MARCHF5: variants seen among roughly 807,000 people sequenced by gnomAD.
MARCHF5 encodes E3 ubiquitin-protein ligase MARCHF5.
Under a neutral mutation model 36.5 loss-of-function variants are expected in MARCHF5, and 5 were observed. That is an observed-to-expected ratio of 0.14 (90% CI 0.07 to 0.29). The LOEUF is 0.29. MARCHF5 is among the 10% of genes least tolerant of loss of function. MARCHF5 has a pLI of 1.00. For missense variants in MARCHF5, 179 were observed against 336.3 expected, an observed-to-expected ratio of 0.53 and a Z score of 3.66; for synonymous variants, 103 against 109.9, an observed-to-expected ratio of 0.94 and a Z score of 0.39.
At chr10:92,321,372 T>G (rs1023195415) in intron 2 of MARCHF5, among the ~76,000 whole-genome samples, 5 of 152,134 alleles carry the variant, frequency 3.3e-5, no homozygotes, top group African/African-American at 9.7e-5. Context: ...GATAATCATG[T>G]GAGTATTGTT....
At chr10:92,306,922 G>A (rs917394779) in intron 1 of MARCHF5, among the ~76,000 whole-genome samples, 1 of 152,166 alleles carries the variant, frequency 6.6e-6, no homozygotes, top group Non-Finnish European at 1.5e-5. Flanking sequence ...GCTGAGGCAG[G>A]AGAATCACTT....
At chr10:92,307,471 C>T (rs1229964073) in intron 1 of MARCHF5, among the ~76,000 whole-genome samples, 6 of 152,014 alleles carry the variant, frequency 3.9e-5, no homozygotes, top group South Asian at 2.1e-4. Flanking sequence ...CAGTGGCTCA[C>T]GCCCAAAACT....
At chr10:92,331,920 CATATATAT>C (rs1843440913) in intron 2 of MARCHF5, among the ~76,000 whole-genome samples, 5 of 56,380 alleles carry the variant, frequency 8.9e-5, no homozygotes, top group African/African-American at 1.6e-4. Context: ...TATATATAAT[CATATATAT>C]GTATATATAA....
chr10:92,303,201 T>C (rs1843036068), intron 1 of MARCHF5, among the ~76,000 whole-genome samples: 1 of 152,212 alleles, frequency 6.6e-6, no homozygotes. Context: ...AGATAGACTG[T>C]AAATTAGTCA....
At chr10:92,336,088 T>C (rs1181874366) in intron 2 of MARCHF5, among the ~76,000 whole-genome samples, 1 of 152,202 alleles carries the variant, frequency 6.6e-6, no homozygotes, top group Non-Finnish European at 1.5e-5. Context: ...CAGGCTGGAA[T>C]GCAATGGTGC....
intron 3 of MARCHF5, among the ~76,000 whole-genome samples, chr10:92,347,209 C>T (rs575179738): frequency 7.2e-5 from 11 of 152,008 alleles, no homozygotes; most frequent in Admixed American, 2.6e-4. Flanking sequence ...CCTGGCCGGG[C>T]GTGGTGGGTC....
chr10:92,346,395 C>G (rs1052745491), intron 3 of MARCHF5, among the ~76,000 whole-genome samples: 1 of 152,080 alleles, frequency 6.6e-6, no homozygotes, highest in Non-Finnish European at 1.5e-5. Flanking sequence ...TGAGCCTCAT[C>G]CCACTTCTAA....
intron 3 of MARCHF5, among the ~76,000 whole-genome samples, chr10:92,346,072 A>T (rs1466151175): frequency 6.6e-6 from 1 of 152,170 alleles, no homozygotes; most frequent in Non-Finnish European, 1.5e-5. Flanking sequence ...GAAGTCTTAA[A>T]AATAATGTTT....
At chr10:92,319,677 G>A (rs537354758) in intron 2 of MARCHF5, among the ~76,000 whole-genome samples, 1 of 149,444 alleles carries the variant, frequency 6.7e-6, no homozygotes, top group African/African-American at 2.5e-5. Flanking sequence ...TTTTCTGAGA[G>A]GGAGTCTTAC....
chr10:92,343,955 T>C (rs536000826), intron 3 of MARCHF5, among the ~76,000 whole-genome samples: 2 of 152,322 alleles, frequency 1.3e-5, no homozygotes, highest in Non-Finnish European at 2.9e-5. Flanking sequence ...TTACTAAGAC[T>C]GAGAAAGACA....
At chr10:92,328,821 A>ATTTTTT (rs34713388) in intron 2 of MARCHF5, among the ~76,000 whole-genome samples, 2 of 122,420 alleles carry the variant, frequency 1.6e-5, no homozygotes, top group South Asian at 2.6e-4. Context: ...ATATATATAT[A>ATTTTTT]TTTTTTTTTT....
At chr10:92,320,051 A>C (rs1454435608) in intron 2 of MARCHF5, among the ~76,000 whole-genome samples, 2 of 148,982 alleles carry the variant, frequency 1.3e-5, no homozygotes, top group Non-Finnish European at 3.0e-5. Flanking sequence ...AGCTTACTGC[A>C]AAAAAAATTT....
At chr10:92,336,092 A>G (rs139954999) in intron 2 of MARCHF5, among the ~76,000 whole-genome samples, 3,375 of 152,260 alleles carry the variant, frequency 0.022, 45 homozygotes, top group Middle Eastern at 0.082. Context: ...CTGGAATGCA[A>G]TGGTGCCATC....
At chr10:92,350,970 C>G (rs1043632411) in intron 5 of MARCHF5, 121 bp from the exon 6 acceptor site, 4 of 622,030 alleles carry the variant, frequency 6.4e-6, no homozygotes, top group Middle Eastern at 4.4e-4. Context: ...GTTTCATTTG[C>G]AGTCATCTGA....
chr10:92,329,337 ATTTCT>A (rs1400741871), intron 2 of MARCHF5, among the ~76,000 whole-genome samples: 1 of 152,222 alleles, frequency 6.6e-6, no homozygotes, highest in African/African-American at 2.4e-5. Flanking sequence ...TTTAATACAC[ATTTCT>A]TTATCAGTGA....
chr10:92,299,583 C>A (rs1257961484), intron 1 of MARCHF5, among the ~76,000 whole-genome samples: 1 of 152,172 alleles, frequency 6.6e-6, no homozygotes, highest in East Asian at 1.9e-4. Flanking sequence ...TTCTGTGTTT[C>A]AATAGAACCT....
intron 2 of MARCHF5, among the ~76,000 whole-genome samples, chr10:92,331,731 G>A (rs977273220): frequency 2.0e-5 from 3 of 150,954 alleles, no homozygotes; most frequent in Admixed American, 6.6e-5. Context: ...ATTTCCCTTG[G>A]CATAAATTAT....
At chr10:92,300,891 CTT>C (rs370507190) in intron 1 of MARCHF5, among the ~76,000 whole-genome samples, 13 of 127,716 alleles carry the variant, frequency 1.0e-4, no homozygotes, top group East Asian at 2.2e-4. Context: ...CCTCCTAATT[CTT>C]TTTTTTTTTT....
At chr10:92,295,673 G>T (rs1842942449) in intron 1 of MARCHF5, among the ~76,000 whole-genome samples, 1 of 151,982 alleles carries the variant, frequency 6.6e-6, no homozygotes, top group Non-Finnish European at 1.5e-5. Context: ...CTCCCACAGT[G>T]CTGGGATTAC....
Sources: allele counts gnomAD v4.1 joint callset (sites outside exome capture counted in the v4.1 genomes callset), GRCh38; gene constraint gnomAD v4.1.1; transcripts MANE v1.5; gene names NCBI Gene and HGNC (gene_info 2026-07-23, HGNC 2026-07-21).